Variants in DPF3 observed in about 807,000 individuals in gnomAD.
DPF3 encodes double PHD fingers 3, also known as zinc finger protein DPF3.
Under a neutral mutation model 56.8 loss-of-function variants are expected in DPF3, and 18 were observed. The observed-to-expected ratio is 0.32, with a 90% CI of 0.22 to 0.47. The LOEUF is 0.47. DPF3 is among the 20% of genes least tolerant of loss of function. DPF3 has a pLI of 1.00. For missense variants in DPF3, 403 were observed against 488.8 expected (o/e 0.82, Z 1.65); for synonymous variants, 188 against 180.2 (o/e 1.04, Z -0.35).
chr14:72,693,527 A>C (rs1291366982), intron 6 of DPF3, among the ~76,000 whole-genome samples: 1 of 152,208 alleles, frequency 6.6e-6, no homozygotes, highest in Non-Finnish European at 1.5e-5. Flanking sequence ...TCCGAGATAA[A>C]ATGGGAACAA....
intron 8 of DPF3, among the ~76,000 whole-genome samples, chr14:72,655,448 C>T (rs1886036307): frequency 6.6e-6 from 1 of 152,182 alleles, no homozygotes; most frequent in African/African-American, 2.4e-5. Context: ...ATTATGAAAT[C>T]CATGCACCAA....
intron 8 of DPF3, among the ~76,000 whole-genome samples, chr14:72,630,708 G>T (rs1435593369): frequency 6.6e-6 from 1 of 152,142 alleles, no homozygotes; most frequent in Non-Finnish European, 1.5e-5. Flanking sequence ...ATCAGAATCT[G>T]CCCAGAACAC....
chr14:72,743,603 A>T (rs1249566166), intron 3 of DPF3, among the ~76,000 whole-genome samples: 1 of 71,686 alleles, frequency 1.4e-5, no homozygotes, highest in Non-Finnish European at 3.9e-5. Flanking sequence ...CTTCATTCAA[A>T]AAAAAAAAAA....
intron 1 of DPF3, among the ~76,000 whole-genome samples, chr14:72,835,699 C>T (rs1171526662): frequency 1.3e-5 from 2 of 152,134 alleles, no homozygotes; most frequent in South Asian, 2.1e-4. Context: ...GATGGAGCAT[C>T]GGCCTCCCCT....
intron 1 of DPF3, among the ~76,000 whole-genome samples, chr14:72,780,686 G>A (rs78071057): frequency 6.6e-6 from 1 of 152,136 alleles, no homozygotes; most frequent in South Asian, 2.1e-4. Flanking sequence ...TTAAAAAAAG[G>A]TCACTTCAGC....
intron 1 of DPF3, among the ~76,000 whole-genome samples, chr14:72,864,625 C>A (rs1182582714): frequency 6.6e-6 from 1 of 152,204 alleles, no homozygotes; most frequent in African/African-American, 2.4e-5. Context: ...AGCTCTCTAC[C>A]CCGGCCCTGT....
At chr14:72,853,285 T>C (rs1366502447) in intron 1 of DPF3, 1 of 151,982 alleles carries the variant, frequency 6.6e-6, no homozygotes, top group Non-Finnish European at 1.5e-5. Flanking sequence ...GTTCAATCTG[T>C]AACTGTGAAC....
intron 8 of DPF3, among the ~76,000 whole-genome samples, chr14:72,633,988 T>C (rs1462356113): frequency 6.6e-6 from 1 of 152,196 alleles, no homozygotes; most frequent in Non-Finnish European, 1.5e-5. Context: ...TGGCTTTCTC[T>C]GTGTTCCCAT....
At chr14:72,658,810 C>G (rs1189203901) in intron 8 of DPF3, among the ~76,000 whole-genome samples, 2 of 152,180 alleles carry the variant, frequency 1.3e-5, no homozygotes, top group Non-Finnish European at 1.5e-5. Context: ...GGCATGCCAA[C>G]CTCAACTTCC....
At chr14:72,824,361 T>C (rs2140039645) in intron 1 of DPF3, among the ~76,000 whole-genome samples, 1 of 152,256 alleles carries the variant, frequency 6.6e-6, no homozygotes, top group Admixed American at 6.5e-5. Context: ...CACTTTCACG[T>C]GTCCACACTT....
intron 8 of DPF3, among the ~76,000 whole-genome samples, chr14:72,673,821 G>C (rs572882646): frequency 6.6e-6 from 1 of 152,260 alleles, no homozygotes; most frequent in African/African-American, 2.4e-5. Context: ...GAATACTCAT[G>C]TTTCCACACC....
rs114138280 is a variant in DPF3 at position 72,836,036 on chromosome 14, C to G, written c.32+58021G>C. The G allele has an allele frequency of 9.4e-3, 9,215 of 985,334 alleles. 48 individuals are homozygous for G. The highest frequency in any genetic ancestry group is 0.019 in the African/African-American group (1,079 of 57,332). The allele number at this position is 985,334 out of a possible 1,614,324, so 61.0% of individuals were successfully genotyped here. On this transcript the variant is annotated intron_variant, in intron 1 of 10. Transcript: ENST00000556509. ...GCCAGCCGTCACCACACGGGTGCCT[C>G]GGGGAGATGCTGGAGACACAAGTGG... is the stretch of plus-strand genomic sequence containing the variant.
chr14:72,662,471 T>G, intron 8 of DPF3: 1 of 984,068 alleles, frequency 1.0e-6, no homozygotes, highest in Non-Finnish European at 1.2e-6. Context: ...ACTCTTTTTT[T>G]CCATCAGTTT....
intron 8 of DPF3, among the ~76,000 whole-genome samples, chr14:72,663,166 C>CAAAAGAAAAAAAAAA (rs1886294313): frequency 1.1e-5 from 1 of 88,526 alleles, no homozygotes; most frequent in African/African-American, 4.5e-5. Context: ...TGGGTGTTAG[C>CAAAAGAAAAAAAAAA]AAAAAAAAAA....
At chr14:72,755,719 T>G (rs1890762199) in intron 2 of DPF3, among the ~76,000 whole-genome samples, 1 of 152,176 alleles carries the variant, frequency 6.6e-6, no homozygotes, top group Non-Finnish European at 1.5e-5. Flanking sequence ...ATGCTGCCAC[T>G]TGGTTCTTTA....
intron 6 of DPF3, 102 bp downstream of exon 6, chr14:72,714,321 C>T (rs2153575688): frequency 2.1e-6 from 3 of 1,431,784 alleles, no homozygotes; most frequent in South Asian, 2.5e-5. Flanking sequence ...GAGGAGAGCA[C>T]ACACTGAGGT....
At chr14:72,831,959 T>G (rs898711965) in intron 1 of DPF3, among the ~76,000 whole-genome samples, 4 of 152,214 alleles carry the variant, frequency 2.6e-5, no homozygotes, top group Non-Finnish European at 5.9e-5. Flanking sequence ...GGCTCATGCC[T>G]GTAATCCCAG....
intron 6 of DPF3, among the ~76,000 whole-genome samples, chr14:72,694,384 C>T (rs938182231): frequency 5.3e-5 from 8 of 152,182 alleles, no homozygotes; most frequent in Admixed American, 2.0e-4. Context: ...GACATGACCA[C>T]GTCATACAAG....
Position 72,694,869 on chromosome 14 carries a change from C to T in DPF3, c.605-1656G>A, listed in dbSNP as rs1172536561. Among the ~76,000 whole-genome samples, 13 of 152,316 alleles carry T rather than the reference C, an allele frequency of 8.5e-5. No individual in the cohort carries two copies. In the East Asian group the frequency reaches 2.3e-3, roughly 27 times the overall value. Reference sequence around the variant, plus strand: ...AGAATTTTATCAACTACCCTTTCAGCATCTACTATAATATGATTCTCCTTT... The same window carrying T: ...AGAATTTTATCAACTACCCTTTCAGTATCTACTATAATATGATTCTCCTTT... On this transcript the variant is annotated intron_variant, in intron 6 of 10. Coordinates refer to ENST00000556509, the MANE Select transcript of DPF3 (RefSeq NM_001280542.3).
Sources: gnomAD v4.1 joint callset for allele counts (sites outside exome capture counted in the v4.1 genomes callset) on GRCh38, gnomAD v4.1.1 for gene constraint, MANE v1.5 for transcripts, NCBI Gene and HGNC (gene_info 2026-07-23, HGNC 2026-07-21) for gene names.